Variants in TAOK3 observed in about 807,000 individuals in gnomAD.
TAOK3 encodes TAO kinase 3.
Under a neutral mutation model 120.4 loss-of-function variants are expected in TAOK3, and 40 were observed. That is an observed-to-expected ratio of 0.33 (90% CI 0.26 to 0.43). The LOEUF is 0.43. TAOK3 is among the 20% of genes least tolerant of loss of function. TAOK3 has a pLI of 1.00. For synonymous variants in TAOK3, 355 were observed against 387.5 expected (o/e 0.92, Z 0.99); for missense variants, 821 against 1,112.1 (o/e 0.74, Z 3.72).
intron 13 of TAOK3, among the ~76,000 whole-genome samples, chr12:118,190,973 T>C (rs1388798366): frequency 1.3e-5 from 2 of 152,202 alleles, no homozygotes; most frequent in African/African-American, 4.8e-5. Context: ...AAATAGTACA[T>C]GTTCAGGGTG....
At chr12:118,277,951 T>G (rs2041961054) in intron 1 of TAOK3, among the ~76,000 whole-genome samples, 1 of 152,138 alleles carries the variant, frequency 6.6e-6, no homozygotes, top group Non-Finnish European at 1.5e-5. Context: ...AGGCCAAAAC[T>G]GCATACAGCT....
intron 1 of TAOK3, among the ~76,000 whole-genome samples, chr12:118,317,614 CTAAA>C (rs1272768183): frequency 4.6e-5 from 7 of 151,766 alleles, no homozygotes; most frequent in Admixed American, 1.3e-4. Flanking sequence ...TTTTAAAGAC[CTAAA>C]TAAATAGAAA....
chr12:118,220,593 T>C (rs1593202619), intron 9 of TAOK3, among the ~76,000 whole-genome samples: 1 of 148,092 alleles, frequency 6.8e-6, no homozygotes, highest in Admixed American at 6.7e-5. Context: ...GGAGAAACAG[T>C]GAAACAGAAG....
chr12:118,151,283 GCGCGCGCACACACACACA>G (rs2034399606), intron 20 of TAOK3, 125 bp from the exon 21 acceptor site: 26 of 564,318 alleles, frequency 4.6e-5, no homozygotes, highest in Non-Finnish European at 5.9e-5. Flanking sequence ...TGAAGTGCGC[GCGCGCGCACACACACACA>G]CACACACACA....
intron 1 of TAOK3, among the ~76,000 whole-genome samples, chr12:118,302,584 GAGAC>G (rs745787801): frequency 8.5e-5 from 13 of 152,196 alleles, no homozygotes; most frequent in Non-Finnish European, 1.6e-4. Flanking sequence ...AGGTAAGAAA[GAGAC>G]AGGACAGCTA....
At chr12:118,295,984 A>G (rs1199612529) in intron 1 of TAOK3, among the ~76,000 whole-genome samples, 1 of 152,194 alleles carries the variant, frequency 6.6e-6, no homozygotes, top group East Asian at 1.9e-4. Context: ...AATTGATTCA[A>G]ATCCCCTAGA....
chr12:118,177,634 A>G (rs924823112), intron 15 of TAOK3, among the ~76,000 whole-genome samples: 3 of 151,996 alleles, frequency 2.0e-5, no homozygotes, highest in African/African-American at 4.8e-5. Flanking sequence ...GACCAGCTTG[A>G]CCAACATGGT....
intron 1 of TAOK3, among the ~76,000 whole-genome samples, chr12:118,339,025 G>C (rs968703511): frequency 7.9e-5 from 12 of 151,994 alleles, no homozygotes; most frequent in Non-Finnish European, 1.6e-4. Flanking sequence ...TGCTGCTTGA[G>C]TTTATAGTTC....
chr12:118,341,190 A>G (rs1163569061), intron 1 of TAOK3, among the ~76,000 whole-genome samples: 6 of 151,958 alleles, frequency 3.9e-5, no homozygotes, highest in African/African-American at 1.4e-4. Flanking sequence ...TAGTAGAGAC[A>G]GGGTTTCGCC....
At chr12:118,245,099 T>C (rs942612437) in intron 3 of TAOK3, 134 bp from the exon 4 acceptor site, 4 of 497,706 alleles carry the variant, frequency 8.0e-6, no homozygotes, top group Non-Finnish European at 1.4e-5. Context: ...CAGGCTGGAG[T>C]GCAGCTCACT....
chr12:118,219,970 C>A (rs377430373), intron 9 of TAOK3, among the ~76,000 whole-genome samples: 2 of 150,196 alleles, frequency 1.3e-5, no homozygotes, highest in African/African-American at 2.5e-5. Flanking sequence ...AACCCTCCCC[C>A]CTTCCTTCCT....
intron 3 of TAOK3, among the ~76,000 whole-genome samples, chr12:118,247,671 C>T (rs1041361716): frequency 9.2e-5 from 14 of 152,162 alleles, no homozygotes; most frequent in South Asian, 8.3e-4. Context: ...GCCACCACCA[C>T]GCCTGGCTAA....
intron 1 of TAOK3, among the ~76,000 whole-genome samples, chr12:118,311,564 C>T (rs113871235): frequency 2.0e-4 from 30 of 152,248 alleles, no homozygotes; most frequent in African/African-American, 7.0e-4. Flanking sequence ...GGCCTTTGGC[C>T]CTTCCTCATA....
intron 1 of TAOK3, among the ~76,000 whole-genome samples, chr12:118,291,115 G>A (rs1003421397): frequency 2.7e-5 from 4 of 150,396 alleles, no homozygotes; most frequent in Non-Finnish European, 4.4e-5. Flanking sequence ...CTCGGCGTCC[G>A]AAAGTACTGG....
At position 118,229,117 on chromosome 12, in the gene TAOK3, G is replaced by A. The variant is rs1198333094; in HGVS notation, c.643+4557C>T. On this transcript the variant is annotated intron_variant, in intron 9 of 20. Coordinates refer to ENST00000392533, the MANE Select transcript of TAOK3 (RefSeq NM_016281.4). ...TCTTTTTTTTCCTTTTTTTTTTGGG[G>A]GGGACAGAGTTTCGATCTTGTTGCC... Among the ~76,000 whole-genome samples the A allele has an allele frequency of 2.0e-5, 3 of 150,582 alleles. No homozygotes were observed. In the East Asian group the frequency reaches 5.8e-4, roughly 29 times the overall value.
At chr12:118,316,702 A>G (rs948764698) in intron 1 of TAOK3, among the ~76,000 whole-genome samples, 3 of 152,116 alleles carry the variant, frequency 2.0e-5, no homozygotes, top group African/African-American at 7.2e-5. Flanking sequence ...GGCATGAGCC[A>G]TCGTGGCTGG....
chr12:118,252,459 G>C (rs1028338866), intron 3 of TAOK3, among the ~76,000 whole-genome samples: 2 of 152,010 alleles, frequency 1.3e-5, no homozygotes, highest in African/African-American at 4.8e-5. Flanking sequence ...CATAAAGAGG[G>C]GCTTTTGGGA....
At chr12:118,346,119 AT>A (rs1274359527) in intron 1 of TAOK3, among the ~76,000 whole-genome samples, 9 of 152,274 alleles carry the variant, frequency 5.9e-5, no homozygotes, top group Non-Finnish European at 1.3e-4. Context: ...ACTCACATGT[AT>A]TTTTTATTTA....
At chr12:118,262,064 T>C (rs549422907) in intron 2 of TAOK3, among the ~76,000 whole-genome samples, 75 of 152,288 alleles carry the variant, frequency 4.9e-4, no homozygotes, top group African/African-American at 1.3e-3. Context: ...TTTTGTCACA[T>C]TGGCCAGGCT....
Sources: allele counts gnomAD v4.1 joint callset (sites outside exome capture counted in the v4.1 genomes callset), GRCh38; gene constraint gnomAD v4.1.1; transcripts MANE v1.5; gene names NCBI Gene and HGNC (gene_info 2026-07-23, HGNC 2026-07-21).